GALNTL6: variants seen among roughly 807,000 people sequenced by gnomAD.
The protein encoded by GALNTL6 is polypeptide N-acetylgalactosaminyltransferase-like 6.
GALNTL6 carries 46 observed loss-of-function variants against 73.7 expected under a neutral mutation model. The observed-to-expected ratio is 0.62, with a 90% confidence interval of 0.49 to 0.80. The LOEUF is 0.80. Ranked by LOEUF, GALNTL6 falls within the 30% of genes least tolerant of loss-of-function variation. GALNTL6 has a pLI of 0.00. For missense variants in GALNTL6, 604 were observed against 755.0 expected, an observed-to-expected ratio of 0.80 and a Z score of 2.34; for synonymous variants, 259 against 263.7, an observed-to-expected ratio of 0.98 and a Z score of 0.17.
In GALNTL6 at chr4:171,888,330, T is replaced by G. The variant is rs1294381136; in HGVS notation, c.138+73612T>G. Among the ~76,000 whole-genome samples the G allele has an allele frequency of 2.0e-5, 3 of 150,678 alleles. No individual in the cohort carries two copies. In the East Asian group the frequency reaches 5.8e-4, roughly 29 times the overall value. ...ACATAACTTTAAAGTTCAGCAACAG[T>G]GATAGCTTCTGCTGAGGCTTACTAG... On this transcript the variant is annotated intron_variant, in intron 2 of 12. Coordinates refer to ENST00000506823, the MANE Select transcript of GALNTL6 (RefSeq NM_001034845.3).
intron 5 of GALNTL6, among the ~76,000 whole-genome samples, chr4:172,384,750 G>A (rs773720087): frequency 6.6e-6 from 1 of 151,794 alleles, no homozygotes; most frequent in African/African-American, 2.4e-5. Context: ...TCCCTTTAAA[G>A]AATGCTTTAG....
intron 2 of GALNTL6, among the ~76,000 whole-genome samples, chr4:172,182,782 TCATA>T (rs1228704280): frequency 2.6e-5 from 4 of 152,016 alleles, no homozygotes; most frequent in African/African-American, 9.7e-5. Context: ...AACCGTAAAT[TCATA>T]CATCAGATTT....
rs373216072 is a variant in GALNTL6, at chr4:171,814,495, G to T, written c.-86G>T. On this transcript the variant is annotated 5_prime_UTR_variant, in exon 2 of 13. The change creates a new upstream start codon in the 5' untranslated region. Transcript: ENST00000506823. Reference sequence around the variant, plus strand: ...GCTTCTCAGTTTCTGGTGCTTCGCAGGGGAGAGGAAAGGAATTTGACATTA... The same window carrying T: ...GCTTCTCAGTTTCTGGTGCTTCGCATGGGAGAGGAAAGGAATTTGACATTA... 53 of 1,438,738 alleles carry T rather than the reference G, an allele frequency of 3.7e-5. No individual in the cohort carries two copies. The highest frequency in any genetic ancestry group is 3.2e-4 in the East Asian group (14 of 43,810). The allele number at this position is 1,438,738 out of a possible 1,614,324, so 89.1% of individuals were successfully genotyped here.
intron 2 of GALNTL6, among the ~76,000 whole-genome samples, chr4:172,182,942 G>T (rs975466215): frequency 1.3e-5 from 2 of 151,938 alleles, no homozygotes; most frequent in Non-Finnish European, 1.5e-5. Context: ...GAACGCATTC[G>T]CTCAAGGCCT....
intron 5 of GALNTL6, among the ~76,000 whole-genome samples, chr4:172,398,802 G>T (rs564559900): frequency 1.7e-3 from 266 of 152,056 alleles, no homozygotes; most frequent in African/African-American, 6.0e-3. Context: ...TTATGGGCTT[G>T]GTTTGATAAG....
At chr4:172,084,832 A>C (rs1344719523) in intron 2 of GALNTL6, among the ~76,000 whole-genome samples, 1 of 152,178 alleles carries the variant, frequency 6.6e-6, no homozygotes, top group African/African-American at 2.4e-5. Context: ...AAATATGAGC[A>C]TAAGAAGGAG....
chr4:172,826,741 G>A (rs1335252546), intron 7 of GALNTL6, among the ~76,000 whole-genome samples: 2 of 152,172 alleles, frequency 1.3e-5, no homozygotes, highest in Non-Finnish European at 1.5e-5. Flanking sequence ...CTGAATCTCA[G>A]GTCACTGGAC....
At chr4:172,870,931 G>A (rs1393306538) in intron 7 of GALNTL6, among the ~76,000 whole-genome samples, 1 of 152,208 alleles carries the variant, frequency 6.6e-6, no homozygotes, top group Non-Finnish European at 1.5e-5. Flanking sequence ...GGACAATTGA[G>A]GGTACAGTTT....
chr4:172,131,955 C>A (rs1560935626), intron 2 of GALNTL6, among the ~76,000 whole-genome samples: 1 of 152,004 alleles, frequency 6.6e-6, no homozygotes, highest in East Asian at 1.9e-4. Flanking sequence ...TTTTGTAGAG[C>A]AAAGCTCTTA....
chr4:172,268,833 C>T (rs1183861222), intron 3 of GALNTL6, among the ~76,000 whole-genome samples: 1 of 152,134 alleles, frequency 6.6e-6, no homozygotes, highest in Non-Finnish European at 1.5e-5. Flanking sequence ...CTTCTACAAC[C>T]CAGGAAAATG....
At chr4:172,717,130 T>A (rs74524495) in intron 5 of GALNTL6, among the ~76,000 whole-genome samples, 1 of 145,536 alleles carries the variant, frequency 6.9e-6, no homozygotes, top group African/African-American at 2.5e-5. Context: ...TTACAAAAAA[T>A]TCAGTGTCAT....
intron 5 of GALNTL6, among the ~76,000 whole-genome samples, chr4:172,371,281 G>A (rs1490173894): frequency 6.6e-6 from 1 of 152,152 alleles, no homozygotes; most frequent in Non-Finnish European, 1.5e-5. Context: ...AACTTCCTAT[G>A]GTAATTAATT....
At chr4:172,081,610 C>T (rs959272862) in intron 2 of GALNTL6, among the ~76,000 whole-genome samples, 1 of 152,144 alleles carries the variant, frequency 6.6e-6, no homozygotes, top group Non-Finnish European at 1.5e-5. Context: ...TGCACTCCAG[C>T]CTGGTGACAG....
chr4:172,404,472 G>A lies in GALNTL6; in HGVS notation c.553+55783G>A, dbSNP rs550248028. On this transcript the variant is annotated intron_variant, in intron 5 of 12. Coordinates refer to ENST00000506823, the MANE Select transcript of GALNTL6 (RefSeq NM_001034845.3). ...TGTGCCCTGGCTAGAAAATAATTTC[G>A]TTCAAAAATAAATTTTTCATTTCCT... Among the ~76,000 whole-genome samples the A allele has an allele frequency of 1.4e-4, 21 of 152,018 alleles. 1 individual carries two copies. In the South Asian group the frequency reaches 3.5e-3, roughly 26 times the overall value.
At chr4:172,103,047 G>A (rs1188108661) in intron 2 of GALNTL6, among the ~76,000 whole-genome samples, 1 of 152,152 alleles carries the variant, frequency 6.6e-6, no homozygotes, top group East Asian at 1.9e-4. Context: ...AAGGTTCATG[G>A]GCTAGGAAAA....
At chr4:172,031,706 C>T (rs1037629033) in intron 2 of GALNTL6, among the ~76,000 whole-genome samples, 1 of 151,860 alleles carries the variant, frequency 6.6e-6, no homozygotes, top group African/African-American at 2.4e-5. Flanking sequence ...AGTCCTCAGC[C>T]TCAGTGTGAA....
intron 2 of GALNTL6, among the ~76,000 whole-genome samples, chr4:172,194,580 A>G (rs1167805155): frequency 6.6e-6 from 1 of 152,234 alleles, no homozygotes; most frequent in Non-Finnish European, 1.5e-5. Flanking sequence ...GAAGCCCATC[A>G]GACTAACAGT....
intron 9 of GALNTL6, among the ~76,000 whole-genome samples, chr4:172,941,500 T>C (rs1579685339): frequency 1.3e-5 from 2 of 152,228 alleles, no homozygotes; most frequent in Non-Finnish European, 2.9e-5. Context: ...CAGGCGGTTA[T>C]TGAGCATTTA....
At chr4:172,914,766 A>G (rs1189278773) in intron 8 of GALNTL6, among the ~76,000 whole-genome samples, 1 of 152,208 alleles carries the variant, frequency 6.6e-6, no homozygotes, top group Non-Finnish European at 1.5e-5. Context: ...TTAGAGACCT[A>G]CAAAGAGATA....
Sources: allele counts gnomAD v4.1 joint callset (sites outside exome capture counted in the v4.1 genomes callset), GRCh38; gene constraint gnomAD v4.1.1; transcripts MANE v1.5; gene names NCBI Gene and HGNC (gene_info 2026-07-23, HGNC 2026-07-21).